LRP8: variants seen among roughly 807,000 people sequenced by gnomAD.
LRP8 encodes LDL receptor related protein 8.
LRP8 carries 46 observed loss-of-function variants against 111.6 expected under a neutral mutation model. The observed-to-expected ratio is 0.41, with a 90% confidence interval of 0.33 to 0.53. LRP8 has a LOEUF of 0.53. LRP8 is among the 20% of genes least tolerant of loss of function. LRP8 has a pLI of 0.20. For missense variants in LRP8, 959 were observed against 1,297.4 expected, an observed-to-expected ratio of 0.74 and a Z score of 4.01; for synonymous variants, 464 against 511.2, an observed-to-expected ratio of 0.91 and a Z score of 1.24.
intron 16 of LRP8, among the ~76,000 whole-genome samples, chr1:53,254,891 T>G (rs1646024647): frequency 6.6e-6 from 1 of 150,548 alleles, no homozygotes; most frequent in African/African-American, 2.5e-5. Context: ...AATCGAGGGG[T>G]GGGGAGATGG....
chr1:53,293,563 G>A lies in LRP8; in HGVS notation c.245-3874C>T, dbSNP rs1006685036. ...TCAACTGTGTGTGGCAGCTGCCAAA[G>A]CTTGATCTCTTTCCACTCAGACCCT... On this transcript the variant is annotated intron_variant, in intron 2 of 18. Transcript: ENST00000306052. The surrounding 1 kb of genome is among the most constrained non-coding windows in gnomAD (Gnocchi z 4.9). Among the ~76,000 whole-genome samples the A allele has an allele frequency of 2.0e-5, 3 of 152,194 alleles. No individual in the cohort carries two copies. The highest frequency in any genetic ancestry group is 4.8e-5 in the African/African-American group (2 of 41,444).
intron 9 of LRP8, among the ~76,000 whole-genome samples, chr1:53,265,210 G>C (rs1646506083): frequency 6.6e-6 from 1 of 152,182 alleles, no homozygotes; most frequent in Admixed American, 6.5e-5. Flanking sequence ...TGTTTCCCCA[G>C]AGGTTTTCTT....
Position 53,285,741 on chromosome 1 carries a change from T to C in LRP8, c.367+3826A>G, listed in dbSNP as rs544599478. 2.0e-5 allele frequency among the ~76,000 whole-genome samples: 3 copies of C among 152,284 alleles called. No individual in the cohort carries two copies. In the South Asian group the frequency reaches 6.2e-4, roughly 32 times the overall value. ...TATAAGTCCACATGGTCCACCGCGA[T>C]GCAGACCCCATCCCAGGACAGCCAC... On this transcript the variant is annotated intron_variant, in intron 3 of 18. Coordinates refer to ENST00000306052, the MANE Select transcript of LRP8 (RefSeq NM_004631.5).
intron 2 of LRP8, among the ~76,000 whole-genome samples, chr1:53,310,189 G>C (rs1484317680): frequency 1.4e-5 from 2 of 142,176 alleles, no homozygotes; most frequent in Non-Finnish European, 3.0e-5. Context: ...AGCATGGGGA[G>C]AGGGAAGAGA....
intron 12 of LRP8, among the ~76,000 whole-genome samples, 195 bp downstream of exon 12, chr1:53,261,873 G>C (rs1284361281): frequency 6.6e-6 from 1 of 152,166 alleles, no homozygotes; most frequent in Non-Finnish European, 1.5e-5. Context: ...AGAGAGCGTG[G>C]GAAAGGCTGC....
intron 3 of LRP8, among the ~76,000 whole-genome samples, chr1:53,288,622 G>A (rs993136535): frequency 6.6e-5 from 10 of 152,040 alleles, no homozygotes; most frequent in African/African-American, 1.2e-4. Flanking sequence ...CACCAGCCAC[G>A]GCGTTAGATG....
At chr1:53,313,477 A>C in intron 2 of LRP8, among the ~76,000 whole-genome samples, 1 of 152,132 alleles carries the variant, frequency 6.6e-6, no homozygotes, top group South Asian at 2.1e-4. Flanking sequence ...AGGCTTGTGG[A>C]CTGCATTGTG....
In LRP8 at chr1:53,258,293, C is replaced by G. The variant is rs2297661; in HGVS notation, c.2209+26G>C. Reference sequence around the variant, plus strand: ...GGGTAGGGTCTGACACTGCCAGGGGCCATCCCTCCTGGAAGGTCTGCTTAC... The same window carrying G: ...GGGTAGGGTCTGACACTGCCAGGGGGCATCCCTCCTGGAAGGTCTGCTTAC... On this transcript the variant is annotated intron_variant, in intron 14 of 18. Coordinates refer to ENST00000306052, the MANE Select transcript of LRP8 (RefSeq NM_004631.5). The G allele has an allele frequency of 0.013, 20,847 of 1,606,438 alleles. 1,248 individuals carry two copies. In the East Asian group the frequency reaches 0.19, roughly 15 times the overall value.
intron 2 of LRP8, among the ~76,000 whole-genome samples, chr1:53,291,335 G>T (rs1166073060): frequency 2.6e-5 from 4 of 152,116 alleles, no homozygotes; most frequent in Non-Finnish European, 5.9e-5. Flanking sequence ...GCTTGGGATG[G>T]ATTTAACATC....
chr1:53,319,769 C>T (rs561987894), intron 2 of LRP8, among the ~76,000 whole-genome samples: 6 of 152,298 alleles, frequency 3.9e-5, no homozygotes, highest in South Asian at 4.1e-4. Context: ...AAACCGCTGC[C>T]GGGGGACCCA....
chr1:53,272,597 C>CCTTT, intron 6 of LRP8: 1 of 1,290,146 alleles, frequency 7.8e-7, no homozygotes, highest in South Asian at 1.2e-5. Flanking sequence ...GGGAATAACC[C>CCTTT]CTTTACCCCT....
chr1:53,275,156 A>G lies in LRP8; in HGVS notation c.1006+475T>C, dbSNP rs7538651. ...TCATCTCCTGGGGGGACTTTGCCCC[A>G]TGGACCCCGGATAGGGGAAGTTGCT... On this transcript the variant is annotated intron_variant, in intron 6 of 18. Coordinates refer to ENST00000306052, the MANE Select transcript of LRP8 (RefSeq NM_004631.5). The surrounding 1 kb of genome is among the most constrained non-coding windows in gnomAD (Gnocchi z 4.4). 3.2e-3 allele frequency among the ~76,000 whole-genome samples: 493 copies of G among 152,294 alleles called. 1 individual carries two copies. The highest frequency in any genetic ancestry group is 0.011 in the African/African-American group (476 of 41,560).
chr1:53,257,346 C>T lies in LRP8; in HGVS notation c.2328G>A (p.Glu776=), dbSNP rs757353482. ...HRSTYQNHST[E]TPSLTAAVPS... is the part of the protein sequence containing the mutation. Reference sequence around the variant, plus strand: ...GGACTGCAGCTGTCAGGCTTGGTGTCTCTGTGCTGTGGTTCTGGTAGGTGG... The same window carrying T: ...GGACTGCAGCTGTCAGGCTTGGTGTTTCTGTGCTGTGGTTCTGGTAGGTGG... The change falls in exon 15 of 19, where the codon GAG becomes GAA. Residue 776 remains glutamate (E), a synonymous_variant. Transcript: ENST00000306052. 6.2e-7 allele frequency: 1 copy of T among 1,614,114 alleles called. No individual in the cohort carries two copies. Among genetic ancestry groups the T allele is most frequent in the Non-Finnish European group, 8.5e-7 (1 of 1,180,020 alleles).
chr1:53,272,558 G>GC, intron 6 of LRP8: 1 of 1,289,580 alleles, frequency 7.8e-7, no homozygotes, highest in East Asian at 5.4e-5. Context: ...GCTATGGGGT[G>GC]CCCCCACTTC....
chr1:53,325,173 T>G (rs1041140935), intron 2 of LRP8, among the ~76,000 whole-genome samples: 1 of 152,214 alleles, frequency 6.6e-6, no homozygotes, highest in Non-Finnish European at 1.5e-5. Context: ...ACAGCCATTT[T>G]CATAACCTCA....
At chr1:53,286,197 T>C (rs1168680713) in intron 3 of LRP8, among the ~76,000 whole-genome samples, 2 of 152,096 alleles carry the variant, frequency 1.3e-5, no homozygotes, top group Admixed American at 6.5e-5. Context: ...CCAGTGTCAC[T>C]CAATCCACAG....
At chr1:53,301,443 C>T (rs1650838681) in intron 2 of LRP8, among the ~76,000 whole-genome samples, 1 of 152,180 alleles carries the variant, frequency 6.6e-6, no homozygotes, top group Admixed American at 6.5e-5. Flanking sequence ...ATGAACTGGC[C>T]AGGCATGGTG....
At chr1:53,319,228 C>T (rs1654181270) in intron 2 of LRP8, among the ~76,000 whole-genome samples, 1 of 152,158 alleles carries the variant, frequency 6.6e-6, no homozygotes, top group Non-Finnish European at 1.5e-5. Context: ...GTTGAGAGGG[C>T]TGGAAACTAA....
chr1:53,289,636 G>A lies in LRP8; in HGVS notation c.298C>T (p.His100Tyr), dbSNP rs1012834752. 6.2e-7 allele frequency: 1 copy of A among 1,613,640 alleles called. No individual in the cohort carries two copies. The highest frequency in any genetic ancestry group is 8.5e-7 in the Non-Finnish European group (1 of 1,179,814). ...TCGCCGTCACACTTCCACCGTTCGT[G>A]GATGCAGTGGCCGTTGTCACAGGTG... ...DFTCDNGHCI[H>Y]ERWKCDGEEE... is the part of the protein sequence containing the mutation. Residue 100 changes from histidine to tyrosine, a missense_variant, in exon 3 of 19, where the codon CAC (histidine) becomes TAC (tyrosine). Transcript: ENST00000306052.
Sources: gnomAD v4.1 joint callset for allele counts (sites outside exome capture counted in the v4.1 genomes callset) on GRCh38, gnomAD v4.1.1 for gene constraint, Gnocchi (gnomAD v3.1) non-coding constraint, MANE v1.5 for transcripts, NCBI Gene and HGNC (gene_info 2026-07-23, HGNC 2026-07-21) for gene names.